Variants in CSMD2 observed in about 807,000 individuals in gnomAD.
CSMD2 encodes CUB and Sushi multiple domains 2.
In CSMD2, 130 loss-of-function variants were observed where a neutral mutation model predicts 398.5. That is an observed-to-expected ratio of 0.33 (90% CI 0.28 to 0.38). CSMD2 has a LOEUF of 0.38. Among genes scored for constraint, CSMD2 ranks in the 10% least tolerant of loss-of-function variants. CSMD2 has a pLI of 1.00. For synonymous variants in CSMD2, 1,828 were observed against 1,908.5 expected (o/e 0.96, Z 1.10); for missense variants, 3,829 against 4,764.9 (o/e 0.80, Z 5.78).
rs895505135 is a variant in CSMD2, at chr1:33,636,675, C to T, written c.4775-121G>A. ...ATTAGCCACAGAGCACACGGGGATG[C>T]GTGACTGTGGCTCCTATTCCCCTCA... On this transcript the variant is annotated intron_variant, in intron 29 of 70. Transcript: ENST00000373381. This position sits in a 1 kb window ranked among gnomAD's most constrained non-coding sequence, Gnocchi z 4.8. The T allele has an allele frequency of 1.4e-5, 10 of 727,194 alleles. No homozygotes were observed. Among genetic ancestry groups the T allele is most frequent in the South Asian group, 5.5e-5 (3 of 54,800 alleles). 45.0% of individuals were successfully genotyped at this position (727,194 alleles called of 1,614,324 possible).
intron 2 of CSMD2, among the ~76,000 whole-genome samples, chr1:34,087,963 G>A (rs1293563152): frequency 6.6e-6 from 1 of 152,134 alleles, no homozygotes; most frequent in Non-Finnish European, 1.5e-5. Context: ...CTGCAGAAGG[G>A]GTGCAGGGGG....
chr1:33,903,841 T>C (rs747560916), intron 5 of CSMD2, among the ~76,000 whole-genome samples: 3 of 152,236 alleles, frequency 2.0e-5, no homozygotes, highest in Admixed American at 6.5e-5. Flanking sequence ...GAAATTTACA[T>C]TGAACTCTAT....
chr1:34,006,273 T>C (rs1472711097), intron 3 of CSMD2, among the ~76,000 whole-genome samples: 1 of 152,138 alleles, frequency 6.6e-6, no homozygotes, highest in Non-Finnish European at 1.5e-5. Flanking sequence ...GAGATTAATA[T>C]CTTGCCTAGA....
At chr1:34,130,953 C>A (rs913846678) in intron 1 of CSMD2, among the ~76,000 whole-genome samples, 19 of 152,246 alleles carry the variant, frequency 1.2e-4, no homozygotes, top group Non-Finnish European at 2.8e-4. Context: ...AATATGGCAT[C>A]TGATTCTCCT....
intron 1 of CSMD2, among the ~76,000 whole-genome samples, chr1:34,154,153 C>T (rs74900163): frequency 0.012 from 1,882 of 152,230 alleles, 20 homozygotes; most frequent in Middle Eastern, 0.034. Context: ...AACAGACTTG[C>T]TAGTAATCAG....
intron 3 of CSMD2, among the ~76,000 whole-genome samples, chr1:33,984,696 TC>T (rs1646290019): frequency 6.6e-6 from 1 of 152,034 alleles, no homozygotes; most frequent in Non-Finnish European, 1.5e-5. Flanking sequence ...GGTGAGAGGA[TC>T]CCTTGGGTCC....
chr1:34,093,908 C>T (rs1373431811), intron 1 of CSMD2, among the ~76,000 whole-genome samples: 5 of 151,500 alleles, frequency 3.3e-5, no homozygotes, highest in South Asian at 4.2e-4. Context: ...ATACAGAGAA[C>T]GCCACAAAGA....
At chr1:33,803,503 C>A (rs1655856882) in intron 10 of CSMD2, among the ~76,000 whole-genome samples, 1 of 152,184 alleles carries the variant, frequency 6.6e-6, no homozygotes, top group South Asian at 2.1e-4. Context: ...CCAGAAAGCA[C>A]TAAGTCATCA....
At chr1:33,532,956 A>C in intron 64 of CSMD2, 94 bp downstream of exon 64, 31 of 1,129,558 alleles carry the variant, frequency 2.7e-5, no homozygotes, top group Non-Finnish European at 3.2e-5. Context: ...TTGAAACGCA[A>C]TTCCTTCCTT....
intron 3 of CSMD2, among the ~76,000 whole-genome samples, chr1:33,955,157 T>G (rs1004738212): frequency 2.0e-5 from 3 of 152,192 alleles, no homozygotes. Flanking sequence ...CTGCCTCATT[T>G]CCAATTCCAG....
At chr1:33,823,167 C>T (rs989063338) in intron 7 of CSMD2, among the ~76,000 whole-genome samples, 1 of 152,202 alleles carries the variant, frequency 6.6e-6, no homozygotes, top group Non-Finnish European at 1.5e-5. Context: ...CCTACCGCCT[C>T]CCCTTTCCTC....
At chr1:34,129,803 G>A (rs1402383631) in intron 1 of CSMD2, among the ~76,000 whole-genome samples, 2 of 152,230 alleles carry the variant, frequency 1.3e-5, no homozygotes, top group Non-Finnish European at 1.5e-5. Context: ...GCATCCGGCA[G>A]CACTGCAGGA....
chr1:33,897,552 C>T (rs2125226777), intron 5 of CSMD2, among the ~76,000 whole-genome samples: 2 of 152,290 alleles, frequency 1.3e-5, no homozygotes, highest in Middle Eastern at 3.4e-3. Context: ...TGTGTATGTC[C>T]ACATCATGAC....
intron 22 of CSMD2, among the ~76,000 whole-genome samples, chr1:33,703,909 TC>T (rs1457109515): frequency 6.6e-6 from 1 of 152,202 alleles, no homozygotes; most frequent in Non-Finnish European, 1.5e-5. Context: ...AATATGTAAA[TC>T]CTTGATCGCC....
Position 33,571,701 on chromosome 1 carries a change from G to A in CSMD2, c.7788C>T (p.Ser2596=). ...CVPVTCPDVS[S]ISVEHGRWRL... ...TCCATCGGCCATGCTCCACGCTGAT[G>A]CTACTGACATCAGGACAAGTCACAG... Residue 2596 remains serine, a synonymous_variant, in exon 51 of 71, where the codon AGC becomes AGT. Transcript: ENST00000373381. 1 of 1,531,624 alleles carries A rather than the reference G, an allele frequency of 6.5e-7. No individual in the cohort carries two copies. 94.9% of individuals were successfully genotyped at this position (1,531,624 alleles called of 1,614,324 possible).
At chr1:34,004,374 TG>T (rs1363474392) in intron 3 of CSMD2, among the ~76,000 whole-genome samples, 2 of 152,196 alleles carry the variant, frequency 1.3e-5, no homozygotes, top group African/African-American at 4.8e-5. Context: ...AGAAAAATCA[TG>T]GAAGTAGGCT....
chr1:33,747,453 G>A lies in CSMD2; in HGVS notation c.1847-3847C>T, dbSNP rs1432317551. Among the ~76,000 whole-genome samples the A allele has an allele frequency of 2.6e-5, 4 of 152,112 alleles. No homozygotes were observed. The East Asian group carries it at 7.7e-4, about 29-fold the overall frequency. On this transcript the variant is annotated intron_variant, in intron 13 of 70. Coordinates refer to ENST00000373381, the MANE Select transcript of CSMD2 (RefSeq NM_001281956.2). ...GTGGTTAATTAGAGAAATATAGGTT[G>A]GAGCATGCTTTTAAAGATGTTAAGT...
Position 34,164,115 on chromosome 1 carries a change from G to A in CSMD2, c.187+796C>T, listed in dbSNP as rs1305693979. Reference sequence around the variant, plus strand: ...AGGCGCTCGGCTGCAGCAGGGCGCGGGAAAGGGCACTTTGGCGCGGAGTGA... The same window carrying A: ...AGGCGCTCGGCTGCAGCAGGGCGCGAGAAAGGGCACTTTGGCGCGGAGTGA... On this transcript the variant is annotated intron_variant, in intron 1 of 70. Coordinates refer to ENST00000373381, the MANE Select transcript of CSMD2 (RefSeq NM_001281956.2). This position sits in a 1 kb window ranked among gnomAD's most constrained non-coding sequence, Gnocchi z 6.2. Among the ~76,000 whole-genome samples the A allele has an allele frequency of 6.6e-6, 1 of 152,114 alleles. No individual in the cohort carries two copies. Among genetic ancestry groups the A allele is most frequent in the Non-Finnish European group, 1.5e-5 (1 of 67,986 alleles).
Position 33,923,390 on chromosome 1 carries a change from A to G in CSMD2, c.713-5089T>C, listed in dbSNP as rs777221145. Among the ~76,000 whole-genome samples the G allele has an allele frequency of 2.4e-4, 36 of 151,982 alleles. 1 individual carries two copies. Among genetic ancestry groups the G allele is most frequent in the Non-Finnish European group, 4.6e-4 (31 of 67,992 alleles). Reference sequence around the variant, plus strand: ...CTGGTCATGTGAAGTGCCTGCTCCCACTTCACCTTCCGCCATGAGTAAAAG... The same window carrying G: ...CTGGTCATGTGAAGTGCCTGCTCCCGCTTCACCTTCCGCCATGAGTAAAAG... On this transcript the variant is annotated intron_variant, in intron 4 of 70. Transcript: ENST00000373381.
Sources: gnomAD v4.1 joint callset for allele counts (sites outside exome capture counted in the v4.1 genomes callset) on GRCh38, gnomAD v4.1.1 for gene constraint, Gnocchi (gnomAD v3.1) non-coding constraint, MANE v1.5 for transcripts, NCBI Gene and HGNC (gene_info 2026-07-23, HGNC 2026-07-21) for gene names.